The following SHOC1 variants were observed in gnomAD, a reference collection of about 807,000 sequenced individuals.
SHOC1 encodes the protein protein shortage in chiasmata 1 ortholog.
SHOC1 carries 136 observed loss-of-function variants against 179.2 expected under a neutral mutation model. That is an observed-to-expected ratio of 0.76 (90% confidence interval 0.66 to 0.87). The LOEUF (loss-of-function observed/expected upper bound fraction) is 0.87, where lower values mean the gene tolerates loss of function less well. SHOC1 is among the 40% of genes least tolerant of loss of function. SHOC1 has a pLI of 0.00. For missense variants in SHOC1, 1,538 were observed against 1,700.8 expected (o/e 0.90, Z 1.68); for synonymous variants, 489 against 586.6 (o/e 0.83, Z 2.41).
At chr9:111,774,428 A>G (rs1835748522) in intron 5 of SHOC1, among the ~76,000 whole-genome samples, 1 of 152,122 alleles carries the variant, frequency 6.6e-6, no homozygotes, top group African/African-American at 2.4e-5. Flanking sequence ...CCTTACAAAT[A>G]GCTAGGACTA....
intron 23 of SHOC1, among the ~76,000 whole-genome samples, chr9:111,701,180 A>AGAATTAATG (rs1831957051): frequency 6.6e-6 from 1 of 152,242 alleles, no homozygotes; most frequent in African/African-American, 2.4e-5. Flanking sequence ...TACTCAAACA[A>AGAATTAATG]GAATTAATGG....
At chr9:111,728,156 T>A in intron 12 of SHOC1, 107 bp from the exon 13 acceptor site, 1 of 786,812 alleles carries the variant, frequency 1.3e-6, no homozygotes, top group Non-Finnish European at 1.9e-6. Flanking sequence ...TGTAATTTGA[T>A]CTTTATGAGC....
intron 27 of SHOC1, among the ~76,000 whole-genome samples, chr9:111,690,335 A>G (rs1312098918): frequency 6.6e-6 from 1 of 152,156 alleles, no homozygotes; most frequent in East Asian, 1.9e-4. Flanking sequence ...CTAAGATGGG[A>G]GGATCGGTTG....
At position 111,741,461 on chromosome 9, in the gene SHOC1, G is replaced by A; in HGVS notation, c.1174+15C>T. Reference sequence around the variant, plus strand: ...TATACTTTCTATTTATCACTTAAAGGCAATTAATCTTTACCTGTAAGCAAA... The same window carrying A: ...TATACTTTCTATTTATCACTTAAAGACAATTAATCTTTACCTGTAAGCAAA... On this transcript the variant is annotated intron_variant, in intron 11 of 27. Coordinates refer to ENST00000682961, the MANE Select transcript of SHOC1 (RefSeq NM_001378211.1). 1 of 1,440,408 alleles carries A rather than the reference G, an allele frequency of 6.9e-7. No individual in the cohort carries two copies. The highest frequency in any genetic ancestry group is 9.7e-7 in the Non-Finnish European group (1 of 1,028,292). 89.2% of individuals were successfully genotyped at this position (1,440,408 alleles called of 1,614,324 possible).
chr9:111,743,837 A>C (rs902623851), intron 10 of SHOC1, among the ~76,000 whole-genome samples: 4 of 152,180 alleles, frequency 2.6e-5, no homozygotes, highest in African/African-American at 9.6e-5. Flanking sequence ...CTGTAAACTC[A>C]TTTTTAAAAT....
chr9:111,780,766 A>G (rs1192821496), intron 4 of SHOC1, among the ~76,000 whole-genome samples, 164 bp downstream of exon 4: 1 of 152,220 alleles, frequency 6.6e-6, no homozygotes, highest in Non-Finnish European at 1.5e-5. Context: ...AGTCACTCTT[A>G]TTAACCACTC....
chr9:111,787,278 T>C (rs561907671), intron 2 of SHOC1, among the ~76,000 whole-genome samples: 2 of 152,352 alleles, frequency 1.3e-5, no homozygotes, highest in Admixed American at 6.5e-5. Context: ...ATAGCTGCCA[T>C]AGATGGTGAT....
intron 13 of SHOC1, among the ~76,000 whole-genome samples, chr9:111,725,551 A>G (rs1224179276): frequency 6.6e-6 from 1 of 152,208 alleles, no homozygotes; most frequent in African/African-American, 2.4e-5. Context: ...GAAAAGAGTC[A>G]TGACATAGAA....
At chr9:111,690,457 T>C (rs1170097339) in intron 27 of SHOC1, among the ~76,000 whole-genome samples, 1 of 152,108 alleles carries the variant, frequency 6.6e-6, no homozygotes, top group Non-Finnish European at 1.5e-5. Context: ...CAAGGTAGCA[T>C]GAAATATTAA....
chr9:111,692,739 CA>C lies in SHOC1; in HGVS notation c.3466-229del, dbSNP rs551373766. On this transcript the variant is annotated intron_variant, in intron 26 of 27. Coordinates refer to ENST00000682961, the MANE Select transcript of SHOC1 (RefSeq NM_001378211.1). ...ATAGAATTTTTAATAGTCTATTTTT[CA>C]GAACAATTTTAGGCTCACAGCAAAT... Among the ~76,000 whole-genome samples, 437 of 152,110 alleles carry C rather than the reference CA, an allele frequency of 2.9e-3. 2 individuals carry two copies. The highest frequency in any genetic ancestry group is 9.4e-3 in the African/African-American group (390 of 41,506).
chr9:111,723,142 A>G (rs1031473091), intron 14 of SHOC1, among the ~76,000 whole-genome samples: 1 of 152,230 alleles, frequency 6.6e-6, no homozygotes, highest in Non-Finnish European at 1.5e-5. Context: ...ATAAAGACCC[A>G]TATAACATGA....
chr9:111,714,598 G>A lies in SHOC1; in HGVS notation c.2262C>T (p.Ile754=). 1 of 1,612,640 alleles carries A rather than the reference G, an allele frequency of 6.2e-7. No individual in the cohort carries two copies. Among genetic ancestry groups the A allele is most frequent in the Non-Finnish European group, 8.5e-7 (1 of 1,179,690 alleles). Residue 754 remains isoleucine, a synonymous_variant, in exon 17 of 28, where the codon ATC becomes ATT. Transcript: ENST00000682961. ...ALGYLSKAKD[I]YNSILGPYLG... is the part of the protein sequence containing the mutation. Reference sequence around the variant, plus strand: ...AATAGGGGCCTAAAATGCTGTTGTAGATATCTTTTGCCTTCGACAAATATC... The same window carrying A: ...AATAGGGGCCTAAAATGCTGTTGTAAATATCTTTTGCCTTCGACAAATATC...
At chr9:111,706,528 T>C (rs776235525) in intron 20 of SHOC1, 40 bp downstream of exon 20, 2 of 1,406,110 alleles carry the variant, frequency 1.4e-6, no homozygotes, top group Non-Finnish European at 1.9e-6. Context: ...AAATTTTCAT[T>C]CTAATAAAGC....
At chr9:111,792,577 G>A (rs1440825654) in intron 1 of SHOC1, among the ~76,000 whole-genome samples, 1 of 152,020 alleles carries the variant, frequency 6.6e-6, no homozygotes, top group East Asian at 1.9e-4. Context: ...ACTCCAAACT[G>A]GGCAACAGAG....
Position 111,693,271 on chromosome 9 carries a change from A to G in SHOC1, c.3465+528T>C, listed in dbSNP as rs113663165. Among the ~76,000 whole-genome samples the G allele has an allele frequency of 2.9e-3, 443 of 150,402 alleles. 2 individuals carry two copies. Among genetic ancestry groups the G allele is most frequent in the African/African-American group, 0.01 (409 of 40,832 alleles). ...CAGTGAGCCGAGATCAAGCCATTGC[A>G]CTCCAGCCTGGGTGACAGAGGGAGA... On this transcript the variant is annotated intron_variant, in intron 26 of 27. Coordinates refer to ENST00000682961, the MANE Select transcript of SHOC1 (RefSeq NM_001378211.1).
At chr9:111,794,618 G>A (rs1211955000) in intron 1 of SHOC1, among the ~76,000 whole-genome samples, 2 of 152,046 alleles carry the variant, frequency 1.3e-5, no homozygotes, top group East Asian at 1.9e-4. Flanking sequence ...GGCAGAGAAG[G>A]CGAGGTGCAC....
intron 3 of SHOC1, among the ~76,000 whole-genome samples, chr9:111,781,814 A>G (rs184179403): frequency 1.3e-5 from 2 of 152,272 alleles, no homozygotes; most frequent in East Asian, 3.9e-4. Context: ...GAGAAAGACC[A>G]TGTCATATAC....
In SHOC1 at chr9:111,718,294, T is replaced by G. The variant is rs779841676; in HGVS notation, c.2132-6A>C. 85 of 1,550,510 alleles carry G rather than the reference T, an allele frequency of 5.5e-5. 1 individual carries two copies. The Middle Eastern group carries it at 6.8e-4, about 12-fold the overall frequency. ...TTCTCTTTCATCAATTGTACCTAAGTAAGCAAAAATGTATTTTAAAACATA... is the reference window on the plus strand; with the variant it reads ...TTCTCTTTCATCAATTGTACCTAAGGAAGCAAAAATGTATTTTAAAACATA... On this transcript the variant is annotated splice_polypyrimidine_tract_variant and splice_region_variant and intron_variant, in intron 15 of 27. Coordinates refer to ENST00000682961, the MANE Select transcript of SHOC1 (RefSeq NM_001378211.1).
chr9:111,718,690 T>G (rs1832909075), intron 15 of SHOC1, among the ~76,000 whole-genome samples: 1 of 152,152 alleles, frequency 6.6e-6, no homozygotes, highest in African/African-American at 2.4e-5. Context: ...ATTCATAACT[T>G]GCCAACTGAT....
Sources: gnomAD v4.1 joint callset for allele counts (sites outside exome capture counted in the v4.1 genomes callset) on GRCh38, gnomAD v4.1.1 for gene constraint, MANE v1.5 for transcripts, NCBI Gene and HGNC (gene_info 2026-07-23, HGNC 2026-07-21) for gene names.